Variants in TNS1 observed in about 807,000 individuals in gnomAD.
TNS1 encodes tensin 1, also known as tensin-1.
A neutral mutation model predicts 168.6 loss-of-function variants in TNS1; 62 were observed. The observed-to-expected ratio is 0.37, with a 90% CI of 0.30 to 0.45. The LOEUF (loss-of-function observed/expected upper bound fraction) is 0.45. Among genes scored for constraint, TNS1 ranks in the 20% least tolerant of loss-of-function variants. The pLI is 1.00. For synonymous variants in TNS1, 934 were observed against 933.2 expected (o/e 1.00, Z -0.02); for missense variants, 2,240 against 2,339.4 (o/e 0.96, Z 0.88).
At chr2:218,003,607 C>G (rs1489648327), upstream of TNS1, among the ~76,000 whole-genome samples, 2 of 152,160 alleles carry the variant, frequency 1.3e-5, no homozygotes, top group Admixed American at 1.3e-4. Flanking sequence ...GGGTTTCATT[C>G]CAATTTTTTT....
intron 1 of TNS1, chr2:218,010,014 G>A (rs897663849): frequency 3.6e-6 from 1 of 277,744 alleles, no homozygotes; most frequent in Admixed American, 5.6e-5. Context: ...CAGATCGAAT[G>A]CCCAGGAGAC....
chr2:217,917,176 C>T (rs1023975914), intron 4 of TNS1, among the ~76,000 whole-genome samples: 1 of 152,144 alleles, frequency 6.6e-6, no homozygotes, highest in Admixed American at 6.5e-5. Flanking sequence ...CCCCATGGCC[C>T]CCCACCTTTA....
chr2:217,809,990 G>A lies in TNS1; in HGVS notation c.5106C>T (p.Ala1702=). The A allele has an allele frequency of 6.2e-7, 1 of 1,610,174 alleles. No homozygotes were observed. Among genetic ancestry groups the A allele is most frequent in the East Asian group, 2.2e-5 (1 of 44,792 alleles). ...CAGAGTTGACGAAGAGCACATTGCA[G>A]GCTGGAAGAAACCAACCCAAGGGGG... The part of the protein sequence containing the change: ...STADLLKQGA[A]CNVLFVNSVD... Residue 1702 remains alanine, a splice_region_variant and synonymous_variant, in exon 30 of 33, where the codon GCC becomes GCT. Transcript: ENST00000682258.
rs150229275 is a variant in TNS1, at chr2:217,929,449, A to G, written c.187-9213T>C. ...TGGAGTGCCAGGCCCAGGGAGCACAAGACAGCAAGCCTACCGGGGCAGGGT... is the reference window on the plus strand; with the variant it reads ...TGGAGTGCCAGGCCCAGGGAGCACAGGACAGCAAGCCTACCGGGGCAGGGT... On this transcript the variant is annotated intron_variant, in intron 3 of 32. Transcript: ENST00000682258. 4.8e-3 allele frequency among the ~76,000 whole-genome samples: 737 copies of G among 152,248 alleles called. 1 individual carries two copies. The highest frequency in any genetic ancestry group is 6.8e-3 in the Middle Eastern group (2 of 294).
chr2:217,867,913 T>C (rs758544455), intron 18 of TNS1, among the ~76,000 whole-genome samples: 2 of 152,246 alleles, frequency 1.3e-5, no homozygotes, highest in African/African-American at 4.8e-5. Flanking sequence ...CTTACTCTGC[T>C]CCATTTTTTG....
chr2:217,982,436 C>T (rs1355269672), intron 2 of TNS1, among the ~76,000 whole-genome samples: 1 of 145,276 alleles, frequency 6.9e-6, no homozygotes, highest in East Asian at 2.0e-4. Flanking sequence ...TCTTGCTCTG[C>T]TCTGTCACCC....
chr2:217,946,016 T>C (rs1474203378), intron 3 of TNS1, among the ~76,000 whole-genome samples: 1 of 152,166 alleles, frequency 6.6e-6, no homozygotes. Flanking sequence ...ACATCCGTAT[T>C]ATCCCAACGG....
chr2:217,939,548 G>T (rs1399218931), intron 3 of TNS1, among the ~76,000 whole-genome samples: 3 of 152,242 alleles, frequency 2.0e-5, no homozygotes, highest in Non-Finnish European at 2.9e-5. Flanking sequence ...TGCAGGAGAA[G>T]ATGAAGGTCT....
intron 3 of TNS1, among the ~76,000 whole-genome samples, chr2:217,933,168 C>T (rs962791679): frequency 1.1e-4 from 17 of 152,180 alleles, no homozygotes; most frequent in Non-Finnish European, 1.5e-4. Context: ...ATCCACCCTT[C>T]GTAATGCTTC....
chr2:217,998,562 G>A (rs1958509277), intron 1 of TNS1, among the ~76,000 whole-genome samples: 2 of 152,310 alleles, frequency 1.3e-5, no homozygotes, highest in Admixed American at 1.3e-4. Flanking sequence ...GTGCAGTGGT[G>A]TAATCATAGC....
chr2:218,001,425 C>A (rs781111766), intron 1 of TNS1, among the ~76,000 whole-genome samples: 49 of 152,132 alleles, frequency 3.2e-4, no homozygotes, highest in Non-Finnish European at 5.6e-4. Flanking sequence ...CTGAAGGGAT[C>A]TATAGAGCCC....
At chr2:217,930,100 C>A (rs1286319427) in intron 3 of TNS1, among the ~76,000 whole-genome samples, 2 of 152,238 alleles carry the variant, frequency 1.3e-5, no homozygotes, top group Non-Finnish European at 2.9e-5. Flanking sequence ...CACCTCTCCA[C>A]CTCAAAGCCC....
chr2:217,829,076 C>T (rs183617840), intron 22 of TNS1, among the ~76,000 whole-genome samples: 3 of 152,282 alleles, frequency 2.0e-5, no homozygotes, highest in African/African-American at 7.2e-5. Context: ...GCAGCACCCA[C>T]AACAAAGAGT....
intron 18 of TNS1, among the ~76,000 whole-genome samples, chr2:217,867,581 G>C (rs578042894): frequency 2.5e-4 from 38 of 152,330 alleles, no homozygotes; most frequent in African/African-American, 7.2e-4. Context: ...ATTCTATAAA[G>C]AGGCTGAGGC....
At chr2:217,903,703 C>T in intron 6 of TNS1, 1 of 1,066,896 alleles carries the variant, frequency 9.4e-7, no homozygotes, top group African/African-American at 1.6e-5. Context: ...CAGGAATTTC[C>T]TCCTGGTATC....
Position 217,880,766 on chromosome 2 carries a change from G to T in TNS1, c.1429+132C>A. ...TCCCCCAGTTAACGGTGAGCTCTCG[G>T]AGGTACCTCACACTTCCCCTCTGCC... On this transcript the variant is annotated intron_variant, in intron 18 of 32. Transcript: ENST00000682258. This position sits in a 1 kb window ranked among gnomAD's most constrained non-coding sequence, Gnocchi z 4.2. 1 of 699,124 alleles carries T rather than the reference G, an allele frequency of 1.4e-6. No individual in the cohort carries two copies. The highest frequency in any genetic ancestry group is 2.5e-5 in the East Asian group (1 of 40,448). The allele number at this position is 699,124 out of a possible 1,614,324, so 43.3% of individuals were successfully genotyped here.
intron 18 of TNS1, among the ~76,000 whole-genome samples, chr2:217,877,743 G>A (rs1574917760): frequency 6.6e-6 from 1 of 152,172 alleles, no homozygotes; most frequent in East Asian, 1.9e-4. Context: ...TTAAGTCAGG[G>A]GCAGCAGGAG....
chr2:217,903,532 A>G, intron 6 of TNS1: 1 of 1,510,624 alleles, frequency 6.6e-7, no homozygotes, highest in Non-Finnish European at 8.8e-7. Context: ...GGCTCCTCTC[A>G]AGACACAGGT....
intron 6 of TNS1, among the ~76,000 whole-genome samples, chr2:217,903,178 C>T (rs954041864): frequency 1.3e-5 from 2 of 152,142 alleles, no homozygotes; most frequent in Non-Finnish European, 2.9e-5. Context: ...AAACATCCAC[C>T]GAGTGCCACC....
Sources: gnomAD v4.1 joint callset for allele counts (sites outside exome capture counted in the v4.1 genomes callset) on GRCh38, gnomAD v4.1.1 for gene constraint, Gnocchi (gnomAD v3.1) non-coding constraint, MANE v1.5 for transcripts, NCBI Gene and HGNC (gene_info 2026-07-23, HGNC 2026-07-21) for gene names.